AFF2: variants seen among roughly 807,000 people sequenced by gnomAD.
AFF2 encodes the protein AF4/FMR2 family member 2.
Under a neutral mutation model 76.9 loss-of-function variants are expected in AFF2, and 14 were observed. The ratio of observed to expected loss-of-function variants is 0.18; its 90% CI spans 0.12 to 0.28. The LOEUF (loss-of-function observed/expected upper bound fraction) is 0.28. AFF2 is among the 10% of genes least tolerant of loss of function. AFF2 has a pLI of 1.00. For missense variants in AFF2, 868 were observed against 1,001.1 expected, an observed-to-expected ratio of 0.87 and a Z score of 1.79; for synonymous variants, 398 against 366.7, an observed-to-expected ratio of 1.09 and a Z score of -0.98.
intron 19 of AFF2, among the ~76,000 whole-genome samples, chrX:148,985,312 T>TTTTTTTTA (rs2072456321): frequency 1.3e-5 from 1 of 75,261 alleles, no homozygotes; most frequent in Non-Finnish European, 2.5e-5. Context: ...TTTTTTTTTT[T>TTTTTTTTA]TTTTTTTATG....
intron 3 of AFF2, among the ~76,000 whole-genome samples, chrX:148,802,563 T>C (rs1372586106): frequency 8.9e-6 from 1 of 112,156 alleles, no homozygotes; most frequent in African/African-American, 3.2e-5. Context: ...AAACACTGGG[T>C]ACTCGGAATA....
intron 13 of AFF2, 144 bp from the exon 14 acceptor site, chrX:148,966,646 T>A: frequency 9.2e-7 from 1 of 1,085,498 alleles, no homozygotes; most frequent in Non-Finnish European, 1.2e-6. Context: ...GGTCACCTAT[T>A]TATCCTCAAG....
intron 4 of AFF2, among the ~76,000 whole-genome samples, chrX:148,819,979 G>C (rs1252436282): frequency 9.0e-6 from 1 of 111,276 alleles, no homozygotes; most frequent in Non-Finnish European, 1.9e-5. Context: ...TCTTCTACTT[G>C]TCTGTGTCCT....
Position 148,510,023 on chromosome X carries a change from TC to T in AFF2, c.47+8881del, listed in dbSNP as rs782569222. Among the ~76,000 whole-genome samples, 52 of 111,649 alleles carry T rather than the reference TC, an allele frequency of 4.7e-4. 1 individual carries two copies. The East Asian group carries it at 9.4e-3, about 20-fold the overall frequency. ...GCTTTCATACCTTCCTGAGCTGACT[TC>T]CACCTGGGCTGGATCCTGCTTTCTC... is the stretch of plus-strand genomic sequence containing the variant. On this transcript the variant is annotated intron_variant, in intron 1 of 20. Coordinates refer to ENST00000370460, the MANE Select transcript of AFF2 (RefSeq NM_002025.4).
chrX:148,554,594 T>C (rs1271624516), intron 1 of AFF2, among the ~76,000 whole-genome samples: 2 of 112,393 alleles, frequency 1.8e-5, no homozygotes, highest in Non-Finnish European at 3.8e-5. Context: ...ATTATTCAAG[T>C]ATTTTAATAA....
At chrX:148,596,968 T>C (rs2053579070) in intron 1 of AFF2, among the ~76,000 whole-genome samples, 1 of 111,945 alleles carries the variant, frequency 8.9e-6, no homozygotes, top group African/African-American at 3.3e-5. Context: ...ACTTCCTGTC[T>C]GTCTGTCACC....
At chrX:148,783,883 C>A (rs925030973) in intron 3 of AFF2, among the ~76,000 whole-genome samples, 1 of 111,660 alleles carries the variant, frequency 9.0e-6, no homozygotes, top group East Asian at 2.8e-4. Flanking sequence ...AACCAAGCAT[C>A]AGATTCTACA....
chrX:148,591,771 A>G (rs782704950), intron 1 of AFF2, among the ~76,000 whole-genome samples: 5 of 112,285 alleles, frequency 4.5e-5, no homozygotes, highest in Non-Finnish European at 9.4e-5. Flanking sequence ...GCACTTGGCA[A>G]ATAAAGTGAA....
chrX:148,661,801 A>G, intron 2 of AFF2, 107 bp from the exon 3 acceptor site: 2 of 823,487 alleles, frequency 2.4e-6, no homozygotes, highest in Non-Finnish European at 1.7e-6. Context: ...ATATTTAAAG[A>G]ATCCCGTATG....
intron 7 of AFF2, among the ~76,000 whole-genome samples, chrX:148,885,465 G>T (rs566947145): frequency 9.0e-6 from 1 of 111,391 alleles, no homozygotes; most frequent in East Asian, 2.9e-4. Flanking sequence ...GACCCAGCAG[G>T]CTTTGACAAC....
intron 15 of AFF2, among the ~76,000 whole-genome samples, chrX:148,968,233 C>T (rs1436937590): frequency 1.8e-5 from 2 of 111,659 alleles, no homozygotes; most frequent in Non-Finnish European, 3.8e-5. Flanking sequence ...TCTCAAGATA[C>T]TTTGCCCAGC....
intron 1 of AFF2, among the ~76,000 whole-genome samples, chrX:148,536,426 G>A (rs2052787057): frequency 9.0e-6 from 1 of 110,983 alleles, no homozygotes; most frequent in South Asian, 3.8e-4. Flanking sequence ...CAGCATTGCT[G>A]ACAAGCCATT....
intron 4 of AFF2, among the ~76,000 whole-genome samples, chrX:148,811,113 G>C (rs1557271762): frequency 9.0e-6 from 1 of 111,502 alleles, no homozygotes; most frequent in African/African-American, 3.3e-5. Context: ...GATCAACGAT[G>C]AGACTATATG....
chrX:148,581,740 C>G (rs2053416104), intron 1 of AFF2, among the ~76,000 whole-genome samples: 1 of 112,460 alleles, frequency 8.9e-6, no homozygotes, highest in Non-Finnish European at 1.9e-5. Flanking sequence ...GAATAAGTCA[C>G]AGACATATTG....
chrX:148,580,548 T>C lies in AFF2; in HGVS notation c.48-71451T>C, dbSNP rs150138441. ...AGGAATGCAAGCACCCTTAGAGTGA[T>C]CCAGCAGCAGACATAATCAAATAGT... On this transcript the variant is annotated intron_variant, in intron 1 of 20. Transcript: ENST00000370460. Among the ~76,000 whole-genome samples the C allele has an allele frequency of 1.2e-3, 130 of 111,299 alleles. 1 individual carries two copies. In the East Asian group the frequency reaches 0.036, roughly 31 times the overall value.
chrX:148,950,465 C>T (rs2071952578), intron 9 of AFF2, among the ~76,000 whole-genome samples: 1 of 112,207 alleles, frequency 8.9e-6, no homozygotes, highest in East Asian at 2.8e-4. Flanking sequence ...AAAGCAATTC[C>T]TTTTCATTAA....
Position 148,545,837 on chromosome X carries a change from G to A in AFF2, c.47+44693G>A, listed in dbSNP as rs781936458. 4.5e-5 allele frequency among the ~76,000 whole-genome samples: 5 copies of A among 111,300 alleles called. No homozygotes were observed. In the South Asian group the frequency reaches 1.9e-3, roughly 43 times the overall value. On this transcript the variant is annotated intron_variant, in intron 1 of 20. Coordinates refer to ENST00000370460, the MANE Select transcript of AFF2 (RefSeq NM_002025.4). Reference sequence around the variant, plus strand: ...TGTGATTCACTGGGTCTGGGGTGGGGCTTGAGAATGAGCGTTTCTAACACG... The same window carrying A: ...TGTGATTCACTGGGTCTGGGGTGGGACTTGAGAATGAGCGTTTCTAACACG...
chrX:148,963,369 C>T (rs1429957646), intron 13 of AFF2, among the ~76,000 whole-genome samples: 2 of 111,729 alleles, frequency 1.8e-5, no homozygotes, highest in Non-Finnish European at 3.8e-5. Flanking sequence ...ATCTAGGAGA[C>T]TTTGTGGCAT....
chrX:148,523,160 A>T (rs1473637883), intron 1 of AFF2, among the ~76,000 whole-genome samples: 1 of 112,468 alleles, frequency 8.9e-6, no homozygotes. Context: ...TCAATTTTCA[A>T]CATTAATAAT....
Sources: gnomAD v4.1 joint callset for allele counts (sites outside exome capture counted in the v4.1 genomes callset) on GRCh38, gnomAD v4.1.1 for gene constraint, MANE v1.5 for transcripts, NCBI Gene and HGNC (gene_info 2026-07-23, HGNC 2026-07-21) for gene names.